SEMA5A: variants seen among roughly 807,000 people sequenced by gnomAD.
SEMA5A encodes the protein semaphorin 5A, also known as semaphorin-5A.
SEMA5A carries 55 observed loss-of-function variants against 135.5 expected under a neutral mutation model. The ratio of observed to expected loss-of-function variants is 0.41; its 90% confidence interval spans 0.33 to 0.51. The LOEUF (loss-of-function observed/expected upper bound fraction) is 0.51, where lower values mean the gene tolerates loss of function less well. Ranked by LOEUF, SEMA5A falls within the 20% of genes least tolerant of loss-of-function variation. The pLI, the probability that SEMA5A is intolerant of heterozygous loss-of-function variation, is 0.37. For missense variants in SEMA5A, 1,290 were observed against 1,419.9 expected (o/e 0.91, Z 1.47); for synonymous variants, 580 against 546.5 (o/e 1.06, Z -0.85).
intron 5 of SEMA5A, among the ~76,000 whole-genome samples, chr5:9,286,956 T>C (rs1404837905): frequency 1.3e-5 from 2 of 152,208 alleles, no homozygotes; most frequent in Non-Finnish European, 1.5e-5. Flanking sequence ...TTTCCTTTTT[T>C]AGTTGCAGGC....
chr5:9,193,896 C>CA (rs1212143778), intron 10 of SEMA5A, among the ~76,000 whole-genome samples: 1 of 152,134 alleles, frequency 6.6e-6, no homozygotes, highest in African/African-American at 2.4e-5. Flanking sequence ...GACTCTGTCT[C>CA]AAAAACAAAA....
intron 5 of SEMA5A, among the ~76,000 whole-genome samples, chr5:9,311,535 T>G (rs555612198): frequency 7.0e-6 from 1 of 142,594 alleles, no homozygotes; most frequent in African/African-American, 2.6e-5. Flanking sequence ...TAGGTGGGAA[T>G]TGAACAAGGA....
intron 16 of SEMA5A, among the ~76,000 whole-genome samples, chr5:9,106,410 A>C (rs866521536): frequency 1.2e-4 from 19 of 152,372 alleles, no homozygotes; most frequent in Middle Eastern, 3.4e-3. Flanking sequence ...TTATTGCTTA[A>C]TATAATTTTT....
intron 5 of SEMA5A, among the ~76,000 whole-genome samples, chr5:9,239,947 T>A (rs1748112075): frequency 6.6e-6 from 1 of 152,104 alleles, no homozygotes; most frequent in East Asian, 1.9e-4. Context: ...TCAAAATTGT[T>A]CAGATCCTGC....
intron 3 of SEMA5A, among the ~76,000 whole-genome samples, chr5:9,361,289 A>C (rs1754682199): frequency 2.3e-5 from 3 of 131,090 alleles, no homozygotes; most frequent in South Asian, 5.3e-4. Context: ...ACAAAGCGAG[A>C]CTCTGTCTCA....
At chr5:9,355,806 T>C (rs181683820) in intron 3 of SEMA5A, among the ~76,000 whole-genome samples, 1 of 152,176 alleles carries the variant, frequency 6.6e-6, no homozygotes, top group East Asian at 1.9e-4. Flanking sequence ...GGAAGAAAGA[T>C]GTGTGGAGTG....
chr5:9,473,484 G>A (rs1237424594), intron 1 of SEMA5A, among the ~76,000 whole-genome samples: 1 of 150,316 alleles, frequency 6.7e-6, no homozygotes, highest in Non-Finnish European at 1.5e-5. Flanking sequence ...AGCCACCGGG[G>A]ATCAGGCTAC....
At chr5:9,472,150 T>C (rs1232940720) in intron 1 of SEMA5A, among the ~76,000 whole-genome samples, 1 of 152,252 alleles carries the variant, frequency 6.6e-6, no homozygotes, top group Non-Finnish European at 1.5e-5. Context: ...TCATTGCTTC[T>C]ATCTCTCAAA....
chr5:9,472,320 G>A (rs1158240481), intron 1 of SEMA5A, among the ~76,000 whole-genome samples: 1 of 152,112 alleles, frequency 6.6e-6, no homozygotes, highest in Non-Finnish European at 1.5e-5. Context: ...ATCATCTAGT[G>A]CCCTGGAAGA....
chr5:9,156,504 C>A (rs891434230), intron 11 of SEMA5A, among the ~76,000 whole-genome samples: 5 of 152,102 alleles, frequency 3.3e-5, no homozygotes, highest in African/African-American at 9.7e-5. Flanking sequence ...GCTGCCTTTG[C>A]GACATCATTA....
At chr5:9,534,850 T>C (rs1737668304) in intron 1 of SEMA5A, among the ~76,000 whole-genome samples, 1 of 152,172 alleles carries the variant, frequency 6.6e-6, no homozygotes, top group Non-Finnish European at 1.5e-5. Context: ...TCAGCCTACC[T>C]CAATAGACAA....
At chr5:9,353,069 GAAA>G (rs1754204255) in intron 3 of SEMA5A, among the ~76,000 whole-genome samples, 1 of 16,746 alleles carries the variant, frequency 6.0e-5, no homozygotes, top group African/African-American at 3.3e-4. Context: ...GGAAGGAAAG[GAAA>G]GGAAAGGAAA....
chr5:9,097,267 G>C (rs1199027737), intron 16 of SEMA5A, among the ~76,000 whole-genome samples: 3 of 152,110 alleles, frequency 2.0e-5, no homozygotes, highest in Non-Finnish European at 4.4e-5. Flanking sequence ...CCATCACAGG[G>C]TAGAAGCTTA....
intron 3 of SEMA5A, 51 bp downstream of exon 3, chr5:9,379,772 G>C (rs1755512764): frequency 2.5e-6 from 4 of 1,592,120 alleles, no homozygotes; most frequent in Admixed American, 3.5e-5. Flanking sequence ...ACTAAACACA[G>C]AATGTGCATT....
At chr5:9,238,908 A>G (rs1414057644) in intron 5 of SEMA5A, among the ~76,000 whole-genome samples, 1 of 152,164 alleles carries the variant, frequency 6.6e-6, no homozygotes, top group African/African-American at 2.4e-5. Flanking sequence ...ATTTGGACTA[A>G]TGTCAAATAA....
chr5:9,524,770 A>C (rs2126879266), intron 1 of SEMA5A, among the ~76,000 whole-genome samples: 1 of 152,310 alleles, frequency 6.6e-6, no homozygotes, highest in Admixed American at 6.5e-5. Flanking sequence ...CAAAATAAAT[A>C]TATACATAAA....
At chr5:9,213,561 A>C (rs1426447861) in intron 8 of SEMA5A, among the ~76,000 whole-genome samples, 5 of 152,202 alleles carry the variant, frequency 3.3e-5, no homozygotes, top group Non-Finnish European at 7.3e-5. Context: ...GTCTGGGGGA[A>C]GAGCTTTCCA....
chr5:9,218,713 G>A (rs1302416226), intron 8 of SEMA5A, among the ~76,000 whole-genome samples: 1 of 152,202 alleles, frequency 6.6e-6, no homozygotes, highest in Non-Finnish European at 1.5e-5. Flanking sequence ...TAGCTGAGTG[G>A]TGGCCTTCTA....
At chr5:9,342,347 T>C (rs546612718) in intron 3 of SEMA5A, among the ~76,000 whole-genome samples, 111 of 152,276 alleles carry the variant, frequency 7.3e-4, no homozygotes, top group African/African-American at 2.6e-3. Flanking sequence ...ATCTGATTTG[T>C]TAGCAAACAC....
Sources: allele counts gnomAD v4.1 joint callset (sites outside exome capture counted in the v4.1 genomes callset), GRCh38; gene constraint gnomAD v4.1.1; transcripts MANE v1.5; gene names NCBI Gene and HGNC (gene_info 2026-07-23, HGNC 2026-07-21).